Variants in CHL1 observed in about 807,000 individuals in gnomAD.
CHL1 encodes neural cell adhesion molecule L1-like protein.
Under a neutral mutation model 141.9 loss-of-function variants are expected in CHL1, and 96 were observed. The ratio of observed to expected loss-of-function variants is 0.68; its 90% CI spans 0.57 to 0.80. The LOEUF is 0.80. CHL1 is among the 30% of genes least tolerant of loss of function. The pLI is 0.00. For synonymous variants in CHL1, 613 were observed against 502.2 expected (o/e 1.22, Z -2.95); for missense variants, 1,820 against 1,457.2 (o/e 1.25, Z -4.05).
At chr3:365,240 G>T (rs57436581) in intron 14 of CHL1, among the ~76,000 whole-genome samples, 1 of 152,172 alleles carries the variant, frequency 6.6e-6, no homozygotes, top group African/African-American at 2.4e-5. Context: ...AGGATTGCAC[G>T]TTTTGAAACA....
intron 3 of CHL1, among the ~76,000 whole-genome samples, chr3:322,819 G>C (rs1299446752): frequency 1.3e-5 from 2 of 150,840 alleles, no homozygotes; most frequent in African/African-American, 2.4e-5. Context: ...ATTCCAGCCT[G>C]GCACTGGCAT....
At chr3:395,300 A>G (rs1708579693) in intron 24 of CHL1, among the ~76,000 whole-genome samples, 2 of 152,236 alleles carry the variant, frequency 1.3e-5, no homozygotes, top group African/African-American at 2.4e-5. Context: ...CCTTCACTCT[A>G]TATACATTGA....
At chr3:293,502 C>CA (rs1227050655) in intron 2 of CHL1, among the ~76,000 whole-genome samples, 5 of 151,626 alleles carry the variant, frequency 3.3e-5, no homozygotes, top group South Asian at 4.2e-4. Context: ...GACACTCCAT[C>CA]AAAAAAAATT....
rs1708852300 is a variant in CHL1 at position 398,403 on chromosome 3, AT to A, written c.3253+21del. On this transcript the variant is annotated intron_variant, in intron 25 of 27. Coordinates refer to ENST00000256509, the MANE Select transcript of CHL1 (RefSeq NM_006614.4). ...AGGGAGAGGTGAGAAATGAGATTAT[AT>A]TTGGGGAAGTCTTAGTCAATCTATG... 6.4e-7 allele frequency: 1 copy of A among 1,558,808 alleles called. No individual in the cohort carries two copies. Among genetic ancestry groups the A allele is most frequent in the Non-Finnish European group, 8.8e-7 (1 of 1,131,362 alleles).
intron 1 of CHL1, among the ~76,000 whole-genome samples, chr3:221,215 C>T (rs1169296460): frequency 6.6e-6 from 1 of 152,238 alleles, no homozygotes; most frequent in African/African-American, 2.4e-5. Flanking sequence ...CCACCTTGGG[C>T]ACGTGTTCTC....
Position 408,905 on chromosome 3 carries a change from C to G in CHL1, c.*3194C>G, listed in dbSNP as rs369792021. The G allele has an allele frequency of 1.3e-5, 2 of 152,036 alleles. No homozygotes were observed. Among genetic ancestry groups the G allele is most frequent in the African/African-American group, 4.8e-5 (2 of 41,402 alleles). 9.4% of individuals were successfully genotyped at this position (152,036 alleles called of 1,614,324 possible). On this transcript the variant is annotated 3_prime_UTR_variant, in exon 28 of 28. Transcript: ENST00000256509. ...AAATGTAGAGCACAATGGAATTATG[C>G]TGGAAGTCTCAAATAATATTTTTTT...
At chr3:331,756 G>GA (rs896727236) in intron 5 of CHL1, among the ~76,000 whole-genome samples, 1 of 152,038 alleles carries the variant, frequency 6.6e-6, no homozygotes, top group African/African-American at 2.4e-5. Context: ...TATAAAAAAG[G>GA]AAAAATGACA....
chr3:364,690 C>A (rs529531450), intron 14 of CHL1, among the ~76,000 whole-genome samples: 5 of 152,052 alleles, frequency 3.3e-5, no homozygotes, highest in African/African-American at 1.2e-4. Flanking sequence ...AAGTGAGAGC[C>A]TATATAGTAT....
intron 1 of CHL1, among the ~76,000 whole-genome samples, chr3:202,186 G>A (rs554818828): frequency 6.6e-6 from 1 of 152,268 alleles, no homozygotes; most frequent in East Asian, 1.9e-4. Context: ...CATGTCACAT[G>A]TGTTCTTGTG....
intron 2 of CHL1, among the ~76,000 whole-genome samples, chr3:298,329 T>C (rs1223460183): frequency 6.6e-6 from 1 of 152,170 alleles, no homozygotes; most frequent in East Asian, 1.9e-4. Flanking sequence ...GGTAATCACA[T>C]GGCATGGGTG....
At chr3:201,994 T>C (rs543410434) in intron 1 of CHL1, among the ~76,000 whole-genome samples, 43 of 152,312 alleles carry the variant, frequency 2.8e-4, no homozygotes, top group African/African-American at 1.0e-3. Context: ...ACTCTTAAAG[T>C]GTCTGGCACA....
intron 3 of CHL1, among the ~76,000 whole-genome samples, chr3:323,459 C>G (rs1051532469): frequency 1.3e-5 from 2 of 151,994 alleles, no homozygotes; most frequent in Non-Finnish European, 2.9e-5. Flanking sequence ...GTTACAAAAT[C>G]ATTTGTAGAT....
At chr3:203,868 G>A (rs1284505076) in intron 1 of CHL1, among the ~76,000 whole-genome samples, 4 of 152,212 alleles carry the variant, frequency 2.6e-5, no homozygotes, top group Admixed American at 6.5e-5. Flanking sequence ...GGCAGAAAAG[G>A]GATCTGAATC....
intron 1 of CHL1, chr3:213,646 T>C (rs949640346): frequency 5.3e-5 from 8 of 152,190 alleles, no homozygotes; most frequent in Admixed American, 1.3e-4. Context: ...TACGAATGTA[T>C]AGATAATGTT....
chr3:276,984 T>G (rs73007538), intron 2 of CHL1, among the ~76,000 whole-genome samples: 25,043 of 151,708 alleles, frequency 0.17, 2,483 homozygotes, highest in Middle Eastern at 0.38. Flanking sequence ...GCTGGTGACT[T>G]TTCAAATGAC....
chr3:258,900 A>G (rs1055988682), intron 2 of CHL1, among the ~76,000 whole-genome samples: 13 of 148,476 alleles, frequency 8.8e-5, no homozygotes, highest in African/African-American at 3.2e-4. Flanking sequence ...TACTACAATT[A>G]TCACACACCT....
Position 382,363 on chromosome 3 carries a change from G to A in CHL1, c.1978+83G>A, listed in dbSNP as rs1707154992. The A allele has an allele frequency of 3.4e-6, 5 of 1,474,042 alleles. No individual in the cohort carries two copies. The Admixed American group carries it at 5.2e-5, about 15-fold the overall frequency. The allele number at this position is 1,474,042 out of a possible 1,614,324, so 91.3% of individuals were successfully genotyped here. A position where few individuals can be genotyped will look rare whatever the true frequency, so the allele number is the denominator to read the frequency against. ...AGTCACTTTTTAACCACTCTTACTG[G>A]TTTATTCTTCTTATAACATCCTTTT... On this transcript the variant is annotated intron_variant, in intron 17 of 27. Coordinates refer to ENST00000256509, the MANE Select transcript of CHL1 (RefSeq NM_006614.4).
chr3:292,311 C>T (rs1368133937), intron 2 of CHL1, among the ~76,000 whole-genome samples: 1 of 152,188 alleles, frequency 6.6e-6, no homozygotes, highest in Non-Finnish European at 1.5e-5. Context: ...CACTGAGGGG[C>T]TAGCTGTGCT....
chr3:390,688 C>A lies in CHL1; in HGVS notation c.2471-13C>A, dbSNP rs747923690. ...AGGTTATTGAAAACTAATCAATCTT[C>A]TATGATTAACAGATCCTGATACAGC... On this transcript the variant is annotated splice_polypyrimidine_tract_variant and intron_variant, in intron 20 of 27. Coordinates refer to ENST00000256509, the MANE Select transcript of CHL1 (RefSeq NM_006614.4). 7.0e-7 allele frequency: 1 copy of A among 1,421,042 alleles called. No homozygotes were observed. The highest frequency in any genetic ancestry group is 9.9e-7 in the Non-Finnish European group (1 of 1,007,410). The allele number at this position is 1,421,042 out of a possible 1,614,324, so 88.0% of individuals were successfully genotyped here. A position where few individuals can be genotyped will look rare whatever the true frequency, so the allele number is the denominator to read the frequency against.
Sources: allele counts gnomAD v4.1 joint callset (sites outside exome capture counted in the v4.1 genomes callset), GRCh38; gene constraint gnomAD v4.1.1; transcripts MANE v1.5; gene names NCBI Gene and HGNC (gene_info 2026-07-23, HGNC 2026-07-21).